METTL16: variants seen among roughly 807,000 people sequenced by gnomAD.
METTL16 encodes RNA N(6)-adenosine-methyltransferase METTL16.
METTL16 carries 19 observed loss-of-function variants against 57.9 expected under a neutral mutation model. The ratio of observed to expected loss-of-function variants is 0.33; its 90% CI spans 0.23 to 0.48. The LOEUF (loss-of-function observed/expected upper bound fraction) is 0.48. Among genes scored for constraint, METTL16 ranks in the 20% least tolerant of loss-of-function variants. The pLI is 0.99. For synonymous variants in METTL16, 246 were observed against 255.6 expected, an observed-to-expected ratio of 0.96 and a Z score of 0.36; for missense variants, 434 against 691.5, an observed-to-expected ratio of 0.63 and a Z score of 4.18.
intron 2 of METTL16, among the ~76,000 whole-genome samples, chr17:2,493,236 G>C (rs62068187): frequency 1.8e-4 from 27 of 149,782 alleles, no homozygotes; most frequent in Non-Finnish European, 2.4e-4. Flanking sequence ...TTAGAGGTGC[G>C]TGCCACCACG....
At chr17:2,464,129 C>T (rs2067172874) in intron 6 of METTL16, 79 bp downstream of exon 6, 4 of 1,452,186 alleles carry the variant, frequency 2.8e-6, no homozygotes, top group Non-Finnish European at 3.7e-6. Context: ...TCCCCCGCCA[C>T]CAAAAAAAAG....
intron 6 of METTL16, among the ~76,000 whole-genome samples, chr17:2,458,553 A>T (rs1171020506): frequency 6.6e-6 from 1 of 152,106 alleles, no homozygotes; most frequent in Non-Finnish European, 1.5e-5. Context: ...CTCTAATAAA[A>T]ATACAAAAAT....
intron 1 of METTL16, among the ~76,000 whole-genome samples, chr17:2,510,362 T>C (rs2067578951): frequency 6.6e-6 from 1 of 152,202 alleles, no homozygotes; most frequent in South Asian, 2.1e-4. Flanking sequence ...AGTCACCATA[T>C]CCTAACAGTG....
chr17:2,446,926 C>T (rs1417941642), intron 6 of METTL16, among the ~76,000 whole-genome samples: 1 of 151,640 alleles, frequency 6.6e-6, no homozygotes, highest in Non-Finnish European at 1.5e-5. Context: ...GATCTCGGCT[C>T]GCTACAGCCT....
chr17:2,464,247 C>G lies in METTL16; in HGVS notation c.689G>C (p.Arg230Thr). 1.9e-6 allele frequency: 3 copies of G among 1,613,848 alleles called. No individual in the cohort carries two copies. The highest frequency in any genetic ancestry group is 2.5e-6 in the Non-Finnish European group (3 of 1,179,922). Residue 230 changes from arginine to threonine, a missense_variant, in exon 6 of 10, where the codon AGG (arginine) becomes ACG (threonine). Physicochemically the swap from Arg to Thr is moderately conservative, Grantham distance 71. Transcript: ENST00000263092. ...AEGGELEFVK[R>T]IIHDSLQLKK... ...AAGTTGTAGACTGTCATGGATGATCCTTTTAACAAACTCTAATTCACCTCC... is the reference window on the plus strand; with the variant it reads ...AAGTTGTAGACTGTCATGGATGATCGTTTTAACAAACTCTAATTCACCTCC...
rs528151289 is a variant in METTL16 at position 2,451,851 on chromosome 17, A to G, written c.729-10292T>C. On this transcript the variant is annotated intron_variant, in intron 6 of 9. Coordinates refer to ENST00000263092, the MANE Select transcript of METTL16 (RefSeq NM_024086.4). The stretch of plus-strand genomic sequence containing the variant: ...AAGCCAAGAAGCGGCACAGAACAAC[A>G]AAAAAAGATACTGGCTTGGCGTGGT... Among the ~76,000 whole-genome samples, 11 of 152,168 alleles carry G rather than the reference A, an allele frequency of 7.2e-5. No homozygotes were observed. In the East Asian group the frequency reaches 2.1e-3, roughly 29 times the overall value.
At chr17:2,467,669 A>T in intron 5 of METTL16, 92 bp downstream of exon 5, 1 of 860,432 alleles carries the variant, frequency 1.2e-6, no homozygotes, top group Non-Finnish European at 1.9e-6. Context: ...TTCATGATTC[A>T]CCCGCCTTGG....
chr17:2,501,172 A>C (rs1339033492), intron 2 of METTL16, among the ~76,000 whole-genome samples: 1 of 152,198 alleles, frequency 6.6e-6, no homozygotes, highest in Non-Finnish European at 1.5e-5. Flanking sequence ...TGGTGGCTGT[A>C]ATCTCAGAAC....
Position 2,441,572 on chromosome 17 carries a change from A to G in METTL16, c.729-13T>C. 6.5e-7 allele frequency: 1 copy of G among 1,542,916 alleles called. No individual in the cohort carries two copies. The highest frequency in any genetic ancestry group is 8.8e-7 in the Non-Finnish European group (1 of 1,142,550). ...GCAGCTATACCATCTAGGAAAAAAAAAATCAGACAAGTAAATACGGTTTAT... is the reference window on the plus strand; with the variant it reads ...GCAGCTATACCATCTAGGAAAAAAAGAATCAGACAAGTAAATACGGTTTAT... On this transcript the variant is annotated splice_polypyrimidine_tract_variant and intron_variant, in intron 6 of 9. Coordinates refer to ENST00000263092, the MANE Select transcript of METTL16 (RefSeq NM_024086.4).
intron 1 of METTL16, among the ~76,000 whole-genome samples, chr17:2,507,736 G>A (rs2067556795): frequency 6.6e-6 from 1 of 152,252 alleles, no homozygotes; most frequent in Admixed American, 6.5e-5. Flanking sequence ...CCGTGGCTGT[G>A]TAGAAAGAGG....
chr17:2,448,788 AT>A lies in METTL16; in HGVS notation c.729-7230del, dbSNP rs1301857673. Among the ~76,000 whole-genome samples the A allele has an allele frequency of 2.4e-3, 248 of 102,068 alleles. 1 individual carries two copies. Among genetic ancestry groups the A allele is most frequent in the African/African-American group, 6.6e-3 (109 of 16,410 alleles). The allele number at this position is 102,068 out of a possible 152,430, so 67.0% of individuals were successfully genotyped here. A position where few individuals can be genotyped will look rare whatever the true frequency, so the allele number is the denominator to read the frequency against. On this transcript the variant is annotated intron_variant, in intron 6 of 9. Coordinates refer to ENST00000263092, the MANE Select transcript of METTL16 (RefSeq NM_024086.4). ...AAATAAAAAATAAAAAAATAAAAAA[AT>A]AAAAATAAAATTTAAAAAAAAAAAA...
At chr17:2,491,482 C>T (rs1042455139) in intron 2 of METTL16, among the ~76,000 whole-genome samples, 4 of 152,146 alleles carry the variant, frequency 2.6e-5, no homozygotes, top group African/African-American at 7.2e-5. Flanking sequence ...AGTGTTACTC[C>T]AAGGTTGGTT....
chr17:2,466,350 C>G (rs139438465), intron 5 of METTL16, among the ~76,000 whole-genome samples: 1 of 152,200 alleles, frequency 6.6e-6, no homozygotes, highest in Non-Finnish European at 1.5e-5. Flanking sequence ...TCTCTCCTCA[C>G]CCTCCCACCC....
At chr17:2,486,112 G>C (rs1057123662) in intron 2 of METTL16, among the ~76,000 whole-genome samples, 1 of 152,268 alleles carries the variant, frequency 6.6e-6, no homozygotes, top group South Asian at 2.1e-4. Flanking sequence ...CAAATGCAGA[G>C]AGCAAAGTAA....
intron 2 of METTL16, among the ~76,000 whole-genome samples, chr17:2,499,412 T>C (rs1216646725): frequency 6.8e-6 from 1 of 146,032 alleles, no homozygotes; most frequent in East Asian, 2.0e-4. Flanking sequence ...CAAGATCCTC[T>C]CACCTCAGCC....
Position 2,479,565 on chromosome 17 carries a change from G to A in METTL16, c.129-1680C>T, listed in dbSNP as rs191712687. 2.4e-3 allele frequency among the ~76,000 whole-genome samples: 368 copies of A among 152,174 alleles called. 1 individual carries two copies. Among genetic ancestry groups the A allele is most frequent in the Non-Finnish European group, 4.1e-3 (280 of 68,006 alleles). ...TAGAATTCTGGCCTCAAGGTGTCTG[G>A]TCAGGCAACAACACATCCTCAAACA... On this transcript the variant is annotated intron_variant, in intron 2 of 9. Transcript: ENST00000263092.
chr17:2,437,128 C>T (rs546593370), intron 8 of METTL16, among the ~76,000 whole-genome samples: 59 of 152,176 alleles, frequency 3.9e-4, no homozygotes, highest in African/African-American at 1.2e-3. Flanking sequence ...GTGATCTGCC[C>T]GCCTCGGCCT....
At chr17:2,509,549 A>G (rs1052475141) in intron 1 of METTL16, among the ~76,000 whole-genome samples, 8 of 152,158 alleles carry the variant, frequency 5.3e-5, no homozygotes, top group African/African-American at 1.9e-4. Flanking sequence ...CCTGTCTCAA[A>G]ATAAACAAAT....
chr17:2,507,585 G>C (rs1018294758), intron 1 of METTL16, among the ~76,000 whole-genome samples: 23 of 152,128 alleles, frequency 1.5e-4, no homozygotes, highest in Non-Finnish European at 2.6e-4. Flanking sequence ...ACTGGGAAGT[G>C]AGGAGCCCCT....
Sources: gnomAD v4.1 joint callset for allele counts (sites outside exome capture counted in the v4.1 genomes callset) on GRCh38, gnomAD v4.1.1 for gene constraint, MANE v1.5 for transcripts, NCBI Gene and HGNC (gene_info 2026-07-23, HGNC 2026-07-21) for gene names.